Variants in KLHL13 observed in about 807,000 individuals in gnomAD.
KLHL13 encodes kelch-like protein 13.
A neutral mutation model predicts 37.1 loss-of-function variants in KLHL13; 10 were observed. The ratio of observed to expected loss-of-function variants is 0.27; its 90% CI spans 0.17 to 0.46. The LOEUF is 0.46. KLHL13 is among the 20% of genes least tolerant of loss of function. The pLI, the probability that KLHL13 is intolerant of heterozygous loss-of-function variation, is 1.00. For synonymous variants in KLHL13, 163 were observed against 181.2 expected (o/e 0.90, Z 0.81); for missense variants, 360 against 509.3 (o/e 0.71, Z 2.82).
intron 1 of KLHL13, among the ~76,000 whole-genome samples, chrX:118,059,144 T>C (rs1177202701): frequency 8.9e-6 from 1 of 111,778 alleles, no homozygotes; most frequent in Admixed American, 9.5e-5. Flanking sequence ...AGCAAATAGT[T>C]CTACAAGTCT....
chrX:117,909,431 G>C, exon 5 of KLHL13: 1 of 1,211,556 alleles, frequency 8.3e-7, no homozygotes, highest in Non-Finnish European at 1.1e-6. Flanking sequence ...GATCAAATCT[G>C]AAGACTGTAT....
intron 1 of KLHL13, among the ~76,000 whole-genome samples, chrX:118,029,457 G>C (rs758514560): frequency 8.9e-6 from 1 of 112,004 alleles, no homozygotes; most frequent in South Asian, 3.8e-4. Flanking sequence ...AAAAGAGTAG[G>C]TGAGTTTTGG....
intron 1 of KLHL13, among the ~76,000 whole-genome samples, chrX:118,060,677 G>A (rs1237836142): frequency 9.0e-6 from 1 of 110,917 alleles, no homozygotes; most frequent in Non-Finnish European, 1.9e-5. Flanking sequence ...TTGCTAAGTG[G>A]CTGAGTCAGA....
At chrX:117,954,057 T>C (rs1167661038) in intron 1 of KLHL13, among the ~76,000 whole-genome samples, 1 of 111,451 alleles carries the variant, frequency 9.0e-6, no homozygotes, top group Non-Finnish European at 1.9e-5. Flanking sequence ...TATAACACTA[T>C]GACGTAGATA....
At chrX:118,054,481 G>A (rs2054665262) in intron 1 of KLHL13, among the ~76,000 whole-genome samples, 1 of 111,570 alleles carries the variant, frequency 9.0e-6, no homozygotes, top group Admixed American at 9.5e-5. Context: ...AGGTCTTTAA[G>A]CTGAAGAATT....
intron 1 of KLHL13, among the ~76,000 whole-genome samples, chrX:118,096,415 T>C (rs1051288337): frequency 9.0e-6 from 1 of 111,367 alleles, no homozygotes; most frequent in Non-Finnish European, 1.9e-5. Flanking sequence ...AATAACAGGC[T>C]CTGAAATTGA....
At chrX:118,064,647 T>C (rs1418267779) in intron 1 of KLHL13, among the ~76,000 whole-genome samples, 1 of 111,893 alleles carries the variant, frequency 8.9e-6, no homozygotes, top group African/African-American at 3.2e-5. Context: ...ATAGCTTCTG[T>C]ATAGTCCTAC....
chrX:117,941,666 G>T (rs1933039931), intron 2 of KLHL13, among the ~76,000 whole-genome samples: 1 of 111,374 alleles, frequency 9.0e-6, no homozygotes, highest in Admixed American at 9.5e-5. Flanking sequence ...TCTTTCTGTG[G>T]GATCAGTGGT....
At chrX:117,913,848 G>GA (rs1201645166) in intron 4 of KLHL13, among the ~76,000 whole-genome samples, 78 of 57,351 alleles carry the variant, frequency 1.4e-3, no homozygotes, top group African/African-American at 2.5e-3. Context: ...TCAAAAAAAA[G>GA]AAAAAAAAAA....
At chrX:118,006,455 AC>A (rs906349801) in intron 1 of KLHL13, among the ~76,000 whole-genome samples, 2 of 110,933 alleles carry the variant, frequency 1.8e-5, no homozygotes, top group Non-Finnish European at 3.8e-5. Flanking sequence ...AAATGATCTC[AC>A]CTTTGAATAT....
intron 1 of KLHL13, among the ~76,000 whole-genome samples, chrX:117,987,324 G>A (rs2053739656): frequency 8.9e-6 from 1 of 111,838 alleles, no homozygotes; most frequent in South Asian, 3.8e-4. Flanking sequence ...ATGAGTGGGT[G>A]AGTGTAGGTG....
At chrX:117,966,431 C>A (rs1229588096) in intron 1 of KLHL13, among the ~76,000 whole-genome samples, 5 of 111,048 alleles carry the variant, frequency 4.5e-5, no homozygotes, top group African/African-American at 1.6e-4. Context: ...AATGGAAGAA[C>A]ATTCCATGCG....
chrX:118,067,022 T>C (rs970934176), intron 1 of KLHL13, among the ~76,000 whole-genome samples: 2 of 111,645 alleles, frequency 1.8e-5, no homozygotes, highest in African/African-American at 3.3e-5. Flanking sequence ...TGGGGATAGG[T>C]ACTCAGAAAT....
intron 2 of KLHL13, among the ~76,000 whole-genome samples, chrX:117,935,398 T>A (rs1219120380): frequency 8.9e-6 from 1 of 112,276 alleles, no homozygotes; most frequent in Non-Finnish European, 1.9e-5. Context: ...TATGAAATGC[T>A]CAGAATAGAC....
intron 1 of KLHL13, among the ~76,000 whole-genome samples, chrX:118,053,798 T>TGTGAGAGAGAGAGAGAGAGAGAGGAGAG (rs1555995678): frequency 3.9e-5 from 1 of 25,532 alleles, no homozygotes; most frequent in African/African-American, 1.7e-4. Flanking sequence ...TGTGTGTGTG[T>TGTGAGAGAGAGAGAGAGAGAGAGGAGAG]GAGAGAGAGA....
chrX:117,999,138 T>C (rs760863291), intron 1 of KLHL13, among the ~76,000 whole-genome samples: 5 of 110,702 alleles, frequency 4.5e-5, no homozygotes, highest in African/African-American at 1.6e-4. Context: ...AAACAAAAGG[T>C]TCCTCAGGGA....
At chrX:118,064,888 A>G (rs777731017) in intron 1 of KLHL13, among the ~76,000 whole-genome samples, 85 of 111,590 alleles carry the variant, frequency 7.6e-4, no homozygotes, top group African/African-American at 2.8e-3. Flanking sequence ...ATGTTAACTG[A>G]CTGACTAGGC....
At chrX:117,914,277 G>A (rs1233185839) in intron 4 of KLHL13, 2 of 104,872 alleles carry the variant, frequency 1.9e-5, no homozygotes, top group Non-Finnish European at 3.9e-5. Context: ...TCAAAGTGAA[G>A]AAGGAACAAA....
intron 1 of KLHL13, among the ~76,000 whole-genome samples, chrX:118,080,811 G>T (rs2054983865): frequency 8.9e-6 from 1 of 111,916 alleles, no homozygotes; most frequent in Non-Finnish European, 1.9e-5. Flanking sequence ...ACGTGCACTT[G>T]TATGTTCATC....
Sources: allele counts gnomAD v4.1 joint callset (sites outside exome capture counted in the v4.1 genomes callset), GRCh38; gene constraint gnomAD v4.1.1; transcripts MANE v1.5; gene names NCBI Gene and HGNC (gene_info 2026-07-23, HGNC 2026-07-21).